LYPD6: variants seen among roughly 807,000 people sequenced by gnomAD.
The protein encoded by LYPD6 is LY6/PLAUR domain containing 6.
LYPD6 carries 15 observed loss-of-function variants against 22.7 expected under a neutral mutation model. The ratio of observed to expected loss-of-function variants is 0.66; its 90% confidence interval spans 0.44 to 1.02. The LOEUF is 1.02. Ranked by LOEUF, LYPD6 falls within the 50% of genes least tolerant of loss-of-function variation. The pLI is 0.00. For synonymous variants in LYPD6, 72 were observed against 77.5 expected, an observed-to-expected ratio of 0.93 and a Z score of 0.37; for missense variants, 189 against 208.4, an observed-to-expected ratio of 0.91 and a Z score of 0.57.
At chr2:149,423,231 A>G (rs1021677708) in intron 1 of LYPD6, among the ~76,000 whole-genome samples, 2 of 152,192 alleles carry the variant, frequency 1.3e-5, no homozygotes, top group African/African-American at 4.8e-5. Context: ...GGGCAGCTGT[A>G]TCTCAGGTGG....
At chr2:149,389,089 G>A (rs938692835) in intron 1 of LYPD6, among the ~76,000 whole-genome samples, 1 of 152,156 alleles carries the variant, frequency 6.6e-6, no homozygotes, top group African/African-American at 2.4e-5. Flanking sequence ...GAAAGAAAGA[G>A]TGACTAGAAG....
At chr2:149,337,880 G>T (rs1475512707) in intron 1 of LYPD6, among the ~76,000 whole-genome samples, 1 of 152,140 alleles carries the variant, frequency 6.6e-6, no homozygotes, top group African/African-American at 2.4e-5. Context: ...AAGAGCATGT[G>T]GTATTAGGTT....
At chr2:149,360,300 T>C (rs145990623) in intron 1 of LYPD6, among the ~76,000 whole-genome samples, 1 of 152,330 alleles carries the variant, frequency 6.6e-6, no homozygotes, top group Non-Finnish European at 1.5e-5. Flanking sequence ...CTGTATTTTG[T>C]ACCAGCCTCC....
rs1301400966 is a variant in LYPD6 at position 149,377,447 on chromosome 2, GA to G, written c.-72+46727del. Among the ~76,000 whole-genome samples, 4 of 152,304 alleles carry G rather than the reference GA, an allele frequency of 2.6e-5. No individual in the cohort carries two copies. In the South Asian group the frequency reaches 8.3e-4, roughly 32 times the overall value. Reference sequence around the variant, plus strand: ...CCAGATGTAGGCTCTAACCTTGAAGGAACAGTGGCTCTCACAGGCCCGGTAA... The same window carrying G: ...CCAGATGTAGGCTCTAACCTTGAAGGACAGTGGCTCTCACAGGCCCGGTAA... On this transcript the variant is annotated intron_variant, in intron 1 of 4. Coordinates refer to ENST00000334166, the MANE Select transcript of LYPD6 (RefSeq NM_194317.5).
At chr2:149,468,489 A>G (rs533948679) in intron 3 of LYPD6, among the ~76,000 whole-genome samples, 156 bp from the exon 4 acceptor site, 4 of 152,292 alleles carry the variant, frequency 2.6e-5, no homozygotes, top group South Asian at 4.1e-4. Context: ...GAGCTCTCCA[A>G]AGAGGTCTTT....
At chr2:149,445,387 G>C (rs779809417) in intron 2 of LYPD6, among the ~76,000 whole-genome samples, 1 of 152,200 alleles carries the variant, frequency 6.6e-6, no homozygotes, top group Non-Finnish European at 1.5e-5. Flanking sequence ...AAAAGAATCA[G>C]CCTGTCCTTT....
intron 3 of LYPD6, among the ~76,000 whole-genome samples, chr2:149,456,947 T>C (rs1680970995): frequency 6.6e-6 from 1 of 152,188 alleles, no homozygotes; most frequent in African/African-American, 2.4e-5. Flanking sequence ...GATTCATCCA[T>C]TTCGTTAGAT....
intron 1 of LYPD6, among the ~76,000 whole-genome samples, chr2:149,337,306 C>T (rs892934867): frequency 1.3e-5 from 2 of 152,092 alleles, no homozygotes; most frequent in Admixed American, 6.6e-5. Context: ...CCCATTGTAT[C>T]CTCTGAGGTC....
rs1328705008 is a variant in LYPD6 at position 149,386,992 on chromosome 2, C to T, written c.-71-50646C>T. Among the ~76,000 whole-genome samples, 4 of 152,186 alleles carry T rather than the reference C, an allele frequency of 2.6e-5. 1 individual carries two copies. The highest frequency in any genetic ancestry group is 2.6e-4 in the Admixed American group (4 of 15,276). On this transcript the variant is annotated intron_variant, in intron 1 of 4. Coordinates refer to ENST00000334166, the MANE Select transcript of LYPD6 (RefSeq NM_194317.5). ...GAAAATGGAGCACTCTGTCCCCACC[C>T]CCAACATGACCCACAGGAATCTGTG...
intron 1 of LYPD6, among the ~76,000 whole-genome samples, chr2:149,360,272 C>G (rs939824208): frequency 6.6e-6 from 1 of 152,336 alleles, no homozygotes. Flanking sequence ...ACTTGTTTAT[C>G]AGCAGGGGCT....
rs62190603 is a variant in LYPD6 at position 149,444,834 on chromosome 2, G to A, written c.119-4215G>A. On this transcript the variant is annotated intron_variant, in intron 2 of 4. Transcript: ENST00000334166. ...AAAGTCATCTGTGATGGTTGGAATCGTGTATTTCTAAACTGCTGTTGATGT... is the reference window on the plus strand; with the variant it reads ...AAAGTCATCTGTGATGGTTGGAATCATGTATTTCTAAACTGCTGTTGATGT... Among the ~76,000 whole-genome samples the A allele has an allele frequency of 8.9e-3, 1,356 of 152,236 alleles. 15 individuals are homozygous for A. Among genetic ancestry groups the A allele is most frequent in the African/African-American group, 0.031 (1,295 of 41,538 alleles).
chr2:149,460,094 G>A (rs1277963903), intron 3 of LYPD6, among the ~76,000 whole-genome samples: 1 of 151,804 alleles, frequency 6.6e-6, no homozygotes, highest in Non-Finnish European at 1.5e-5. Flanking sequence ...AAATCACAAT[G>A]GAATTCTAAA....
In LYPD6 at chr2:149,366,912, C is replaced by T. The variant is rs1008653243; in HGVS notation, c.-72+36190C>T. ...ATTTTACACACTGTCATGTGTGATT[C>T]TTTTAGCCTTAGCTTTTAGAATACG... On this transcript the variant is annotated intron_variant, in intron 1 of 4. Transcript: ENST00000334166. 1.8e-4 allele frequency among the ~76,000 whole-genome samples: 28 copies of T among 152,182 alleles called. 1 individual carries two copies. Among genetic ancestry groups the T allele is most frequent in the African/African-American group, 6.7e-4 (28 of 41,530 alleles).
At chr2:149,463,677 C>G (rs1163400679) in intron 3 of LYPD6, among the ~76,000 whole-genome samples, 1 of 152,176 alleles carries the variant, frequency 6.6e-6, no homozygotes, top group African/African-American at 2.4e-5. Context: ...TTTAGTACAT[C>G]TATGCCGTGG....
At chr2:149,357,154 C>T (rs1174954327) in intron 1 of LYPD6, among the ~76,000 whole-genome samples, 3 of 152,164 alleles carry the variant, frequency 2.0e-5, no homozygotes, top group Admixed American at 1.3e-4. Context: ...GTATTTTTGG[C>T]TCCTACTTAG....
rs527840098 is a variant in LYPD6 at position 149,392,852 on chromosome 2, C to T, written c.-71-44786C>T. Among the ~76,000 whole-genome samples, 177 of 152,146 alleles carry T rather than the reference C, an allele frequency of 1.2e-3. 1 individual carries two copies. Among genetic ancestry groups the T allele is most frequent in the South Asian group, 1.9e-3 (9 of 4,800 alleles). ...CAGCCTGACCAATATGGTGAAACTC[C>T]GTCTCTTCTAAAAATACAAAAAAAT... On this transcript the variant is annotated intron_variant, in intron 1 of 4. Transcript: ENST00000334166.
At chr2:149,484,393 C>G in the LYPD6 span, among the ~76,000 whole-genome samples, 2 of 152,130 alleles carry the variant, frequency 1.3e-5, no homozygotes, top group Admixed American at 6.5e-5. Flanking sequence ...GATGCCACGG[C>G]TTCTGTCCAG....
At chr2:149,474,830 T>TGATC (rs1472228635), downstream of LYPD6, among the ~76,000 whole-genome samples, 4 of 152,102 alleles carry the variant, frequency 2.6e-5, no homozygotes, top group African/African-American at 9.7e-5. Context: ...TACAATGGCA[T>TGATC]GATCTCACAC....
intron 1 of LYPD6, among the ~76,000 whole-genome samples, chr2:149,388,704 T>C (rs779512060): frequency 6.6e-6 from 1 of 152,208 alleles, no homozygotes; most frequent in Non-Finnish European, 1.5e-5. Flanking sequence ...TTTTACAAGA[T>C]GATTAGCTAC....
Sources: gnomAD v4.1 joint callset for allele counts (sites outside exome capture counted in the v4.1 genomes callset) on GRCh38, gnomAD v4.1.1 for gene constraint, MANE v1.5 for transcripts, NCBI Gene and HGNC (gene_info 2026-07-23, HGNC 2026-07-21) for gene names.